Variants in GPR135 observed in about 807,000 individuals in gnomAD.
GPR135 encodes the protein G-protein coupled receptor 135.
In GPR135, 17 loss-of-function variants were observed where a neutral mutation model predicts 15.0. The observed-to-expected ratio is 1.13, with a 90% CI of 0.78 to 1.70. The LOEUF is 1.70. Among genes scored for constraint, GPR135 ranks in the 40% most tolerant of loss-of-function variants. The probability of loss-of-function intolerance (pLI) is 0.00; values close to 1 mark genes in which losing one functional copy is unlikely to be tolerated. For synonymous variants in GPR135, 368 were observed against 349.4 expected (o/e 1.05, Z -0.59); for missense variants, 776 against 727.0 (o/e 1.07, Z -0.78).
chr14:59,454,431 G>A (rs1219166432), intron 6 of GPR135, among the ~76,000 whole-genome samples: 4 of 152,184 alleles, frequency 2.6e-5, no homozygotes, highest in South Asian at 2.1e-4. Flanking sequence ...CTGGATTTAG[G>A]TCATTTGTGA....
At chr14:59,459,804 C>G (rs1888792219), downstream of GPR135, among the ~76,000 whole-genome samples, 1 of 152,074 alleles carries the variant, frequency 6.6e-6, no homozygotes, top group African/African-American at 2.4e-5. Flanking sequence ...TTACGGCATG[C>G]TTAAGTGCTC....
rs975072456 is a variant in GPR135 at position 59,463,633 on chromosome 14, T to C, written c.*109A>G. ...GAAAGTGGTAAGCCTCCCCCGTCTCTAGCTTTAAATGTTTGGCTTTATGAA... is the reference window on the plus strand; with the variant it reads ...GAAAGTGGTAAGCCTCCCCCGTCTCCAGCTTTAAATGTTTGGCTTTATGAA... On this transcript the variant is annotated 3_prime_UTR_variant, in exon 1 of 1. Transcript: ENST00000395116. 6 of 1,084,900 alleles carry C rather than the reference T, an allele frequency of 5.5e-6. No homozygotes were observed. Among genetic ancestry groups the C allele is most frequent in the Non-Finnish European group, 5.2e-6 (4 of 767,908 alleles). The allele number at this position is 1,084,900 out of a possible 1,614,324, so 67.2% of individuals were successfully genotyped here.
chr14:59,463,985 GA>G lies in GPR135; in HGVS notation c.1241del (p.Phe414SerfsTer65). 6.2e-7 allele frequency: 1 copy of G among 1,614,044 alleles called. No individual in the cohort carries two copies. The highest frequency in any genetic ancestry group is 1.1e-5 in the South Asian group (1 of 91,092). On this transcript the variant is annotated frameshift_variant, in exon 1 of 1. Coordinates refer to ENST00000395116, the MANE Select transcript of GPR135 (RefSeq NM_022571.6). LOFTEE classifies it low-confidence loss of function (END_TRUNC). ...GCAGACCCGGGCCCTGGCTGGGCAG[GA>G]AAGCGTCCACATTCCTAGTCCGGTA... ...EGYRTRNVDA[F>X]LPSQGPGLQA...
At chr14:59,457,582 C>T (rs1183665964), downstream of GPR135, among the ~76,000 whole-genome samples, 2 of 152,020 alleles carry the variant, frequency 1.3e-5, no homozygotes, top group Non-Finnish European at 2.9e-5. Flanking sequence ...CTTTCTTCTG[C>T]CAGTTCAAAT....
Position 59,464,590 on chromosome 14 carries a change from T to C in GPR135, c.637A>G (p.Ile213Val). Residue 213 changes from isoleucine (I) to valine (V), a missense_variant, in exon 1 of 1, where the codon ATC becomes GTC. Coordinates refer to ENST00000395116, the MANE Select transcript of GPR135 (RefSeq NM_022571.6). ...ALISLDRYCA[I>V]VRPPREKIGR... ...ATCTTCTCCCGCGGCGGCCGCACGA[T>C]AGCGCAGTAACGGTCCAACGAGATG... The C allele has an allele frequency of 6.3e-7, 1 of 1,588,204 alleles. No homozygotes were observed. The highest frequency in any genetic ancestry group is 8.5e-7 in the Non-Finnish European group (1 of 1,175,126).
At position 59,463,968 on chromosome 14, in the gene GPR135, G is replaced by A. The variant is rs760423910; in HGVS notation, c.1259C>T (p.Pro420Leu). Residue 420 changes from proline to leucine, a missense_variant, in exon 1 of 1, where the codon CCG becomes CTG. Coordinates refer to ENST00000395116, the MANE Select transcript of GPR135 (RefSeq NM_022571.6). The stretch of plus-strand genomic sequence containing the variant: ...ACTGCGGCTTCTGGCTTGCAGACCC[G>A]GGCCCTGGCTGGGCAGGAAAGCGTC... ...NVDAFLPSQG[P>L]GLQARSRSRL... The A allele has an allele frequency of 6.2e-7, 1 of 1,613,954 alleles. No homozygotes were observed. Among genetic ancestry groups the A allele is most frequent in the Admixed American group, 1.7e-5 (1 of 60,032 alleles).
At chr14:59,457,537 T>C (rs560900568), downstream of GPR135, among the ~76,000 whole-genome samples, 4 of 152,204 alleles carry the variant, frequency 2.6e-5, no homozygotes, top group East Asian at 1.9e-4. Context: ...TCAGCTTACA[T>C]AATCTCTATT....
At position 59,463,513 on chromosome 14, in the gene GPR135, G is replaced by A; in HGVS notation, c.*229C>T. On this transcript the variant is annotated 3_prime_UTR_variant, in exon 1 of 1. Coordinates refer to ENST00000395116, the MANE Select transcript of GPR135 (RefSeq NM_022571.6). ...ATTTTTGGCACTTACAGTTCACAAT[G>A]CTTGGTTATGTGGTTTAAGATTGTT... 1 of 538,056 alleles carries A rather than the reference G, an allele frequency of 1.9e-6. No individual in the cohort carries two copies. The highest frequency in any genetic ancestry group is 3.2e-6 in the Non-Finnish European group (1 of 308,536). The allele number at this position is 538,056 out of a possible 1,614,324, so 33.3% of individuals were successfully genotyped here.
chr14:59,464,787 A>G lies in GPR135; in HGVS notation c.440T>C (p.Leu147Pro). 1 of 1,575,626 alleles carries G rather than the reference A, an allele frequency of 6.3e-7. No homozygotes were observed. The highest frequency in any genetic ancestry group is 8.6e-7 in the Non-Finnish European group (1 of 1,160,330). Residue 147 changes from leucine to proline, a missense_variant, in exon 1 of 1, where the codon CTA becomes CCA. By Grantham distance (98) the Leu-to-Pro change is moderately conservative (BLOSUM62 -3). Transcript: ENST00000395116. ...GAGCAGCGCCGTGAGCAGATCCGAT[A>G]GGGACAGCGACAGGATGAAGGCGTT... is the stretch of plus-strand genomic sequence containing the variant. ...VTNAFILSLS[L>P]SDLLTALLCL...
chr14:59,465,140 TG>T lies in GPR135; in HGVS notation c.86del (p.Pro29HisfsTer27). The T allele has an allele frequency of 7.4e-7, 1 of 1,357,600 alleles. No individual in the cohort carries two copies. The highest frequency in any genetic ancestry group is 9.5e-7 in the Non-Finnish European group (1 of 1,055,546). 84.1% of individuals were successfully genotyped at this position (1,357,600 alleles called of 1,614,324 possible). A position where few individuals can be genotyped will look rare whatever the true frequency, so the allele number is the denominator to read the frequency against. On this transcript the variant is annotated frameshift_variant, in exon 1 of 1. Coordinates refer to ENST00000395116, the MANE Select transcript of GPR135 (RefSeq NM_022571.6). LOFTEE classifies it high-confidence loss of function. ...QHSGAPSAAG[P>X]PGGTSSAATA... The stretch of plus-strand genomic sequence containing the variant: ...TGGCCGCGGAGGAAGTCCCGCCAGG[TG>T]GGCCGGCCGCGGAGGGGGCGCCGGA...
In GPR135 at chr14:59,464,720, C is replaced by T. The variant is rs752913830; in HGVS notation, c.507G>A (p.Gly169=). The T allele has an allele frequency of 6.4e-7, 1 of 1,566,246 alleles. No homozygotes were observed. The highest frequency in any genetic ancestry group is 8.6e-7 in the Non-Finnish European group (1 of 1,157,774). Residue 169 remains glycine (G), a synonymous_variant, in exon 1 of 1, where the codon GGG becomes GGA. Coordinates refer to ENST00000395116, the MANE Select transcript of GPR135 (RefSeq NM_022571.6). The part of the protein sequence containing the change: ...AAFLDLFTPP[G]GSAPAAAAGP... ...CCGCGGCGGCGGCAGGCGCCGAACC[C>T]CCGGGCGGAGTGAAGAGGTCCAGGA...
At position 59,464,885 on chromosome 14, in the gene GPR135, G is replaced by A; in HGVS notation, c.342C>T (p.Phe114=). 1 of 1,606,396 alleles carries A rather than the reference G, an allele frequency of 6.2e-7. No homozygotes were observed. The highest frequency in any genetic ancestry group is 1.1e-5 in the South Asian group (1 of 89,546). Residue 114 remains phenylalanine, a synonymous_variant, in exon 1 of 1, where the codon TTC becomes TTT. Coordinates refer to ENST00000395116, the MANE Select transcript of GPR135 (RefSeq NM_022571.6). Reference sequence around the variant, plus strand: ...CGCAGTTGCCAAGGCTAGACAGCAGGAAGATGAGCAGGAGGACGAGCGCCT... The same window carrying A: ...CGCAGTTGCCAAGGCTAGACAGCAGAAAGATGAGCAGGAGGACGAGCGCCT... ...AAQALVLLLI[F]LLSSLGNCAV...
downstream of GPR135, among the ~76,000 whole-genome samples, chr14:59,457,663 TTC>T (rs1318963955): frequency 9.9e-5 from 15 of 152,160 alleles, no homozygotes; most frequent in Admixed American, 9.2e-4. Context: ...ATTTCCATGT[TTC>T]TTTTTTTATA....
downstream of GPR135, among the ~76,000 whole-genome samples, chr14:59,457,481 TC>T (rs1888696893): frequency 6.6e-6 from 1 of 152,172 alleles, no homozygotes; most frequent in South Asian, 2.1e-4. Flanking sequence ...CTCCCACAGG[TC>T]TTTGAGGCTG....
Position 59,464,002 on chromosome 14 carries a change from T to A in GPR135, c.1225A>T (p.Arg409Trp). 1 of 1,614,014 alleles carries A rather than the reference T, an allele frequency of 6.2e-7. No individual in the cohort carries two copies. Among genetic ancestry groups the A allele is most frequent in the South Asian group, 1.1e-5 (1 of 91,090 alleles). The change falls in exon 1 of 1, where the codon AGG becomes TGG. Residue 409 changes from arginine to tryptophan, a missense_variant. Physicochemically the swap from Arg to Trp is moderately radical, Grantham distance 101. Coordinates refer to ENST00000395116, the MANE Select transcript of GPR135 (RefSeq NM_022571.6). The part of the protein sequence containing the change: ...GRNREEGYRT[R>W]NVDAFLPSQG... ...CTGGGCAGGAAAGCGTCCACATTCC[T>A]AGTCCGGTAGCCCTCCTCGCGGTTG...
At position 59,462,990 on chromosome 14, in the gene GPR135, A is replaced by C. The variant is rs1440878471; in HGVS notation, c.*752T>G. On this transcript the variant is annotated 3_prime_UTR_variant, in exon 1 of 1. Coordinates refer to ENST00000395116, the MANE Select transcript of GPR135 (RefSeq NM_022571.6). ...CAGGTTAGAGTAAGGATAAAACTTC[A>C]AAGTTTTCCAAGGAAGATCATTTTG... 1 of 152,236 alleles carries C rather than the reference A, an allele frequency of 6.6e-6. No individual in the cohort carries two copies. Among genetic ancestry groups the C allele is most frequent in the East Asian group, 1.9e-4 (1 of 5,200 alleles). 9.4% of individuals were successfully genotyped at this position (152,236 alleles called of 1,614,324 possible).
At chr14:59,456,052 C>T (rs1214912457), downstream of GPR135, among the ~76,000 whole-genome samples, 1 of 152,150 alleles carries the variant, frequency 6.6e-6, no homozygotes, top group Non-Finnish European at 1.5e-5. Flanking sequence ...TCTCCCTTTT[C>T]TCTTTCTTGG....
chr14:59,456,552 A>G (rs1288787226), downstream of GPR135: 1 of 152,246 alleles, frequency 6.6e-6, no homozygotes, highest in Non-Finnish European at 1.5e-5. Context: ...CAACCTATAG[A>G]GAAGGTAATG....
intron 6 of GPR135, among the ~76,000 whole-genome samples, chr14:59,454,394 T>C (rs1888585097): frequency 6.6e-6 from 1 of 152,160 alleles, no homozygotes; most frequent in African/African-American, 2.4e-5. Flanking sequence ...TTTGGCAAGG[T>C]CAAGTAAGAT....
Sources: gnomAD v4.1 joint callset for allele counts (sites outside exome capture counted in the v4.1 genomes callset) on GRCh38, gnomAD v4.1.1 for gene constraint, MANE v1.5 for transcripts, NCBI Gene and HGNC (gene_info 2026-07-23, HGNC 2026-07-21) for gene names.